PIEZO2: variants seen among roughly 807,000 people sequenced by gnomAD.
PIEZO2 encodes the protein piezo type mechanosensitive ion channel component 2.
A neutral mutation model predicts 337.3 loss-of-function variants in PIEZO2; 172 were observed. The ratio of observed to expected loss-of-function variants is 0.51; its 90% confidence interval spans 0.45 to 0.58. The LOEUF (loss-of-function observed/expected upper bound fraction) is 0.58. Ranked by LOEUF, PIEZO2 falls within the 20% of genes least tolerant of loss-of-function variation. PIEZO2 has a pLI of 0.00. For missense variants in PIEZO2, 3,028 were observed against 3,391.3 expected, an observed-to-expected ratio of 0.89 and a Z score of 2.66; for synonymous variants, 1,251 against 1,228.5, an observed-to-expected ratio of 1.02 and a Z score of -0.38.
In PIEZO2 at chr18:10,940,074, C is replaced by A. The variant is rs975510418; in HGVS notation, c.287-28846G>T. Among the ~76,000 whole-genome samples, 1 of 152,128 alleles carries A rather than the reference C, an allele frequency of 6.6e-6. No homozygotes were observed. Among genetic ancestry groups the A allele is most frequent in the Non-Finnish European group, 1.5e-5 (1 of 68,026 alleles). On this transcript the variant is annotated intron_variant, in intron 3 of 55. Transcript: ENST00000674853. This position sits in a 1 kb window ranked among gnomAD's most constrained non-coding sequence, Gnocchi z 5.3. ...ACTCTGGGGACAGTGAGTTTCCCCT[C>A]ATCAGAAACAAACTCCAGGGAGTGG...
At chr18:10,983,840 G>A (rs1464430943) in intron 2 of PIEZO2, among the ~76,000 whole-genome samples, 1 of 152,170 alleles carries the variant, frequency 6.6e-6, no homozygotes, top group Non-Finnish European at 1.5e-5. Flanking sequence ...GACACTACTG[G>A]TGAGGGAGAA....
At chr18:10,875,642 A>T (rs189256586) in intron 4 of PIEZO2, among the ~76,000 whole-genome samples, 1 of 152,314 alleles carries the variant, frequency 6.6e-6, no homozygotes, top group Non-Finnish European at 1.5e-5. Flanking sequence ...AGAGAAAAAG[A>T]CTTCTTATAT....
At chr18:11,133,873 T>C (rs2040408752) in intron 1 of PIEZO2, among the ~76,000 whole-genome samples, 1 of 151,264 alleles carries the variant, frequency 6.6e-6, no homozygotes, top group Non-Finnish European at 1.5e-5. Flanking sequence ...CCTCTCTCTC[T>C]ATATATATAT....
intron 2 of PIEZO2, among the ~76,000 whole-genome samples, chr18:11,063,729 T>A (rs2038052046): frequency 6.6e-6 from 1 of 152,218 alleles, no homozygotes; most frequent in South Asian, 2.1e-4. Flanking sequence ...AGGTGCAGGC[T>A]GCCCGGGAGC....
At chr18:10,679,699 A>C (rs1454470169) in intron 52 of PIEZO2, among the ~76,000 whole-genome samples, 2 of 152,220 alleles carry the variant, frequency 1.3e-5, no homozygotes, top group Non-Finnish European at 2.9e-5. Flanking sequence ...GATTATGGAC[A>C]GTGAAATCTA....
At chr18:10,675,510 T>C (rs1029298828) in intron 53 of PIEZO2, among the ~76,000 whole-genome samples, 8 of 152,248 alleles carry the variant, frequency 5.3e-5, no homozygotes, top group Non-Finnish European at 7.3e-5. Flanking sequence ...CATGTAAGTC[T>C]GTACAACAAG....
chr18:10,698,489 GA>G (rs2035196225), intron 44 of PIEZO2, among the ~76,000 whole-genome samples: 4 of 152,148 alleles, frequency 2.6e-5, no homozygotes, highest in Admixed American at 2.6e-4. Context: ...CGTTGTTTGG[GA>G]AAAAATTAAT....
rs1392303541 is a variant in PIEZO2 at position 10,916,232 on chromosome 18, C to T, written c.287-5004G>A. The stretch of plus-strand genomic sequence containing the variant: ...CAACTCAGGAGCCCAGCTGGCTTCG[C>T]CTAGTGGATCCCATGCCAGGGCCGC... On this transcript the variant is annotated intron_variant, in intron 3 of 55. Transcript: ENST00000674853. Among the ~76,000 whole-genome samples the T allele has an allele frequency of 3.9e-5, 6 of 152,184 alleles. No individual in the cohort carries two copies. In the East Asian group the frequency reaches 1.2e-3, roughly 29 times the overall value.
rs1387825826 is a variant in PIEZO2, at chr18:11,131,541, C to T, written c.64+16984G>A. 6.6e-6 allele frequency among the ~76,000 whole-genome samples: 1 copy of T among 152,196 alleles called. No homozygotes were observed. ...CCCTTTCTAGGAAATCCTTGAAGGACAGCGGTGAAGGGAAATCTTCCCAGT... is the reference window on the plus strand; with the variant it reads ...CCCTTTCTAGGAAATCCTTGAAGGATAGCGGTGAAGGGAAATCTTCCCAGT... On this transcript the variant is annotated intron_variant, in intron 1 of 55. Coordinates refer to ENST00000674853, the MANE Select transcript of PIEZO2 (RefSeq NM_001378183.1). The surrounding 1 kb of genome is among the most constrained non-coding windows in gnomAD (Gnocchi z 5.3).
intron 45 of PIEZO2, 45 bp from the exon 46 acceptor site, chr18:10,696,584 G>T: frequency 6.2e-7 from 1 of 1,606,266 alleles, no homozygotes; most frequent in Non-Finnish European, 8.5e-7. Context: ...GTTTCAGGAA[G>T]GGCAGGATGG....
At chr18:11,012,603 C>T (rs1425735110) in intron 2 of PIEZO2, among the ~76,000 whole-genome samples, 1 of 152,090 alleles carries the variant, frequency 6.6e-6, no homozygotes, top group South Asian at 2.1e-4. Context: ...TTTTTAAACC[C>T]TCATTATGAG....
At chr18:11,059,826 C>T (rs2037873224) in intron 2 of PIEZO2, among the ~76,000 whole-genome samples, 1 of 152,320 alleles carries the variant, frequency 6.6e-6, no homozygotes, top group African/African-American at 2.4e-5. Flanking sequence ...TAACACCCCA[C>T]TGTCAACATT....
chr18:11,143,034 A>C lies in PIEZO2; in HGVS notation c.64+5491T>G, dbSNP rs1309599841. ...GCGGAGCTTGCAGTGAGCCAAGATC[A>C]CGCCACTGCACTCCAGCCTGGGTGA... is the stretch of plus-strand genomic sequence containing the variant. On this transcript the variant is annotated intron_variant, in intron 1 of 55. Coordinates refer to ENST00000674853, the MANE Select transcript of PIEZO2 (RefSeq NM_001378183.1). The surrounding 1 kb of genome is among the most constrained non-coding windows in gnomAD (Gnocchi z 4.9). 6.6e-6 allele frequency among the ~76,000 whole-genome samples: 1 copy of C among 152,146 alleles called. No homozygotes were observed. The highest frequency in any genetic ancestry group is 1.5e-5 in the Non-Finnish European group (1 of 68,028).
At chr18:10,889,462 C>T (rs77517353) in intron 4 of PIEZO2, among the ~76,000 whole-genome samples, 2,681 of 152,178 alleles carry the variant, frequency 0.018, 31 homozygotes, top group Non-Finnish European at 0.029. Flanking sequence ...TTTGCAGATT[C>T]GGGAAATTAA....
At chr18:11,024,669 T>G (rs112375654) in intron 2 of PIEZO2, among the ~76,000 whole-genome samples, 11,885 of 152,042 alleles carry the variant, frequency 0.078, 1,130 homozygotes, top group African/African-American at 0.23. Flanking sequence ...AGACGGAGTT[T>G]CACTCTTGTC....
Position 11,033,578 on chromosome 18 carries a change from C to A in PIEZO2, c.160+32549G>T, listed in dbSNP as rs1161700888. Among the ~76,000 whole-genome samples the A allele has an allele frequency of 6.6e-6, 1 of 152,200 alleles. No homozygotes were observed. The highest frequency in any genetic ancestry group is 1.5e-5 in the Non-Finnish European group (1 of 68,050). ...CACATGTTTGACTCCTGGAAAACTT[C>A]TCTGATGCTGAATGTCAAAATACTG... On this transcript the variant is annotated intron_variant, in intron 2 of 55. Transcript: ENST00000674853. This position sits in a 1 kb window ranked among gnomAD's most constrained non-coding sequence, Gnocchi z 4.2.
Position 11,105,458 on chromosome 18 carries a change from C to T in PIEZO2, c.65-39236G>A, listed in dbSNP as rs1333744006. On this transcript the variant is annotated intron_variant, in intron 1 of 55. Coordinates refer to ENST00000674853, the MANE Select transcript of PIEZO2 (RefSeq NM_001378183.1). This position sits in a 1 kb window ranked among gnomAD's most constrained non-coding sequence, Gnocchi z 4.3. The stretch of plus-strand genomic sequence containing the variant: ...CTCACATCTTCATCCTCACGACACA[C>T]TTCCACACTTCAAACTACCACGTGG... Among the ~76,000 whole-genome samples, 1 of 152,204 alleles carries T rather than the reference C, an allele frequency of 6.6e-6. No homozygotes were observed. The highest frequency in any genetic ancestry group is 2.4e-5 in the African/African-American group (1 of 41,460).
At chr18:10,910,452 G>A (rs2030371710) in intron 4 of PIEZO2, among the ~76,000 whole-genome samples, 1 of 152,080 alleles carries the variant, frequency 6.6e-6, no homozygotes, top group Admixed American at 6.5e-5. Flanking sequence ...GTGTGGTGGT[G>A]GGCGCCTGAG....
At chr18:10,960,604 G>A (rs1400472360) in intron 3 of PIEZO2, among the ~76,000 whole-genome samples, 3 of 150,520 alleles carry the variant, frequency 2.0e-5, no homozygotes, top group African/African-American at 7.3e-5. Context: ...TTACTTGATT[G>A]GTTTGTATAA....
Sources: allele counts gnomAD v4.1 joint callset (sites outside exome capture counted in the v4.1 genomes callset), GRCh38; gene constraint gnomAD v4.1.1; non-coding constraint Gnocchi (gnomAD v3.1); transcripts MANE v1.5; gene names NCBI Gene and HGNC (gene_info 2026-07-23, HGNC 2026-07-21).